Variants in IFRD1 observed in about 807,000 individuals in gnomAD.
IFRD1 encodes interferon-related developmental regulator 1.
IFRD1 carries 35 observed loss-of-function variants against 52.9 expected under a neutral mutation model. The ratio of observed to expected loss-of-function variants is 0.66; its 90% CI spans 0.51 to 0.88. The LOEUF is 0.88. Among genes scored for constraint, IFRD1 ranks in the 40% least tolerant of loss-of-function variants. The probability of loss-of-function intolerance (pLI) is 0.00; values close to 1 mark genes in which losing one functional copy is unlikely to be tolerated. For synonymous variants in IFRD1, 184 were observed against 188.4 expected, an observed-to-expected ratio of 0.98 and a Z score of 0.19; for missense variants, 517 against 550.8, an observed-to-expected ratio of 0.94 and a Z score of 0.61.
chr7:112,452,800 C>T (rs893867150), intron 1 of IFRD1, among the ~76,000 whole-genome samples: 8 of 152,180 alleles, frequency 5.3e-5, no homozygotes, highest in African/African-American at 1.9e-4. Flanking sequence ...AGATCCATTT[C>T]ATCACTGAAT....
intron 1 of IFRD1, chr7:112,452,199 G>GC (rs1795184155): frequency 2.5e-6 from 2 of 813,374 alleles, no homozygotes; most frequent in African/African-American, 3.7e-5. Context: ...TGGCTCTGTC[G>GC]CCCAGGCTGG....
intron 1 of IFRD1, among the ~76,000 whole-genome samples, chr7:112,439,386 T>TC (rs1187610531): frequency 6.6e-6 from 1 of 152,242 alleles, no homozygotes; most frequent in Non-Finnish European, 1.5e-5. Flanking sequence ...CCAAATGGTA[T>TC]CATCATTTTA....
At chr7:112,464,976 CTG>C (rs879735454) in intron 8 of IFRD1, among the ~76,000 whole-genome samples, 8 of 152,146 alleles carry the variant, frequency 5.3e-5, no homozygotes, top group Non-Finnish European at 1.2e-4. Context: ...ATAACTGACT[CTG>C]TGTAAAAATA....
At chr7:112,458,081 T>C (rs1795339169) in intron 4 of IFRD1, 1 of 152,208 alleles carries the variant, frequency 6.6e-6, no homozygotes, top group Non-Finnish European at 1.5e-5. Context: ...CTATTAAAGG[T>C]GTTTTACATT....
chr7:112,438,942 A>C (rs887256189), intron 1 of IFRD1, among the ~76,000 whole-genome samples: 1 of 152,182 alleles, frequency 6.6e-6, no homozygotes, highest in South Asian at 2.1e-4. Flanking sequence ...CCGTTGAAAG[A>C]TGTTTCGGTT....
chr7:112,434,983 A>G (rs536820531), intron 1 of IFRD1, among the ~76,000 whole-genome samples: 8 of 152,268 alleles, frequency 5.3e-5, no homozygotes, highest in African/African-American at 1.7e-4. Flanking sequence ...TATTTTTTTG[A>G]TCACCCTATA....
chr7:112,435,847 T>C (rs750775271), intron 1 of IFRD1, among the ~76,000 whole-genome samples: 9 of 151,986 alleles, frequency 5.9e-5, no homozygotes, highest in Non-Finnish European at 8.8e-5. Context: ...ATATGCCTAT[T>C]AATCTATCAA....
At chr7:112,470,155 T>C (rs1795710839) in intron 9 of IFRD1, among the ~76,000 whole-genome samples, 1 of 152,222 alleles carries the variant, frequency 6.6e-6, no homozygotes, top group African/African-American at 2.4e-5. Context: ...TTAGGTGTTT[T>C]GCCATACAGT....
chr7:112,463,381 A>C (rs1210610550), intron 8 of IFRD1, among the ~76,000 whole-genome samples: 1 of 152,198 alleles, frequency 6.6e-6, no homozygotes, highest in Admixed American at 6.5e-5. Context: ...AACAGGATTA[A>C]TACAGTTCTG....
At chr7:112,452,386 G>C in intron 1 of IFRD1, 1 of 783,100 alleles carries the variant, frequency 1.3e-6, no homozygotes, top group Non-Finnish European at 1.5e-6. Flanking sequence ...CGAGTCCCTC[G>C]TCCCCAGGGA....
chr7:112,449,167 T>C (rs1201177108), upstream of IFRD1, among the ~76,000 whole-genome samples: 3 of 151,994 alleles, frequency 2.0e-5, no homozygotes, highest in African/African-American at 7.3e-5. Context: ...GACTGGGAGA[T>C]CGCTTAAAAT....
intron 1 of IFRD1, among the ~76,000 whole-genome samples, chr7:112,453,869 A>G (rs1251317173): frequency 6.9e-6 from 1 of 145,298 alleles, no homozygotes; most frequent in Non-Finnish European, 1.5e-5. Flanking sequence ...CAACTCCGTT[A>G]AAAAAAAAAA....
chr7:112,425,733 A>G (rs1017893978), intron 1 of IFRD1, among the ~76,000 whole-genome samples: 1 of 152,018 alleles, frequency 6.6e-6, no homozygotes, highest in African/African-American at 2.4e-5. Flanking sequence ...CCCCTTTCAT[A>G]TATCCTGTTG....
chr7:112,467,728 G>A (rs547503524), intron 8 of IFRD1: 13 of 450,848 alleles, frequency 2.9e-5, no homozygotes, highest in South Asian at 2.7e-4. Flanking sequence ...AGAAATATTT[G>A]TTGGATGCAT....
At chr7:112,442,611 G>A (rs1273809212) in intron 1 of IFRD1, among the ~76,000 whole-genome samples, 3 of 152,174 alleles carry the variant, frequency 2.0e-5, no homozygotes, top group African/African-American at 7.2e-5. Context: ...CTGGGGGTGG[G>A]CAGTGAAAGC....
At chr7:112,445,020 G>T (rs1443012382) in intron 1 of IFRD1, among the ~76,000 whole-genome samples, 1 of 148,798 alleles carries the variant, frequency 6.7e-6, no homozygotes, top group Non-Finnish European at 1.5e-5. Context: ...TATGACCAAA[G>T]CCAGCCAGAG....
At chr7:112,468,166 T>G in intron 9 of IFRD1, 51 bp downstream of exon 9, 2 of 1,581,904 alleles carry the variant, frequency 1.3e-6, no homozygotes, top group Non-Finnish European at 1.7e-6. Context: ...TTGGATTGTT[T>G]CAGGCTGAAC....
At position 112,475,475 on chromosome 7, in the gene IFRD1, A is replaced by G; in HGVS notation, c.1312A>G (p.Ser438Gly). Residue 438 changes from serine to glycine, a missense_variant, in exon 12 of 12, where the codon AGC (serine) becomes GGC (glycine). Transcript: ENST00000403825. ...CTTCAAAGCTCGAACCAAAGCTAGA[A>G]GCAAATGTCGAGATAAGAGAGCAGA... ...AAFKARTKAR[S>G]KCRDKRADVG... is the part of the protein sequence containing the mutation. 1 of 1,612,738 alleles carries G rather than the reference A, an allele frequency of 6.2e-7. No homozygotes were observed. The highest frequency in any genetic ancestry group is 8.5e-7 in the Non-Finnish European group (1 of 1,179,072).
chr7:112,423,701 T>A (rs1344391857), intron 1 of IFRD1, among the ~76,000 whole-genome samples: 1 of 152,072 alleles, frequency 6.6e-6, no homozygotes, highest in African/African-American at 2.4e-5. Context: ...GAAGGGAGGA[T>A]GAGCTCTTGG....
Sources: allele counts gnomAD v4.1 joint callset (sites outside exome capture counted in the v4.1 genomes callset), GRCh38; gene constraint gnomAD v4.1.1; transcripts MANE v1.5; gene names NCBI Gene and HGNC (gene_info 2026-07-23, HGNC 2026-07-21).